Variants in CHL1 observed in about 807,000 individuals in gnomAD.
The protein encoded by CHL1 is neural cell adhesion molecule L1-like protein.
Under a neutral mutation model 141.9 loss-of-function variants are expected in CHL1, and 96 were observed. The observed-to-expected ratio is 0.68, with a 90% CI of 0.57 to 0.80. The LOEUF (loss-of-function observed/expected upper bound fraction) is 0.80. CHL1 is among the 30% of genes least tolerant of loss of function. CHL1 has a pLI of 0.00. For synonymous variants in CHL1, 613 were observed against 502.2 expected, an observed-to-expected ratio of 1.22 and a Z score of -2.95; for missense variants, 1,820 against 1,457.2, an observed-to-expected ratio of 1.25 and a Z score of -4.05.
intron 5 of CHL1, among the ~76,000 whole-genome samples, chr3:334,432 A>C (rs1701701021): frequency 6.6e-6 from 1 of 152,178 alleles, no homozygotes; most frequent in South Asian, 2.1e-4. Context: ...GCCCATTTGC[A>C]GTCACTCTCT....
intron 10 of CHL1, among the ~76,000 whole-genome samples, chr3:352,791 A>G (rs1001779212): frequency 6.6e-6 from 1 of 152,232 alleles, no homozygotes; most frequent in Non-Finnish European, 1.5e-5. Flanking sequence ...ATAGTGAGGA[A>G]GCCTAGTGAA....
intron 15 of CHL1, among the ~76,000 whole-genome samples, chr3:367,002 A>G (rs1704983700): frequency 6.6e-6 from 1 of 152,266 alleles, no homozygotes; most frequent in Non-Finnish European, 1.5e-5. Context: ...GCCAGAGAGT[A>G]CTGAGAAGTA....
At chr3:292,898 C>G (rs757947871) in intron 2 of CHL1, among the ~76,000 whole-genome samples, 10 of 152,178 alleles carry the variant, frequency 6.6e-5, no homozygotes, top group South Asian at 6.2e-4. Flanking sequence ...TACCTCCTAC[C>G]AGGCACCACC....
chr3:310,517 A>G (rs772314937), intron 2 of CHL1, among the ~76,000 whole-genome samples: 8 of 152,210 alleles, frequency 5.3e-5, no homozygotes, highest in Non-Finnish European at 1.2e-4. Context: ...GTTATAGCTT[A>G]GAAATCTGTC....
In CHL1 at chr3:302,796, T is replaced by G. The variant is rs565531074; in HGVS notation, c.-94-16887T>G. 1.8e-4 allele frequency among the ~76,000 whole-genome samples: 27 copies of G among 152,324 alleles called. No homozygotes were observed. In the South Asian group the frequency reaches 3.3e-3, roughly 19 times the overall value. On this transcript the variant is annotated intron_variant, in intron 2 of 27. Coordinates refer to ENST00000256509, the MANE Select transcript of CHL1 (RefSeq NM_006614.4). ...GCTTTTGTTGCCATTGCTTTTAGTG[T>G]TTTAGACATGAATTCTTTGCCCATA... is the stretch of plus-strand genomic sequence containing the variant.
chr3:264,019 G>T (rs1257003093), intron 2 of CHL1, among the ~76,000 whole-genome samples: 1 of 152,228 alleles, frequency 6.6e-6, no homozygotes, highest in African/African-American at 2.4e-5. Context: ...CACAGTCTTA[G>T]ACTTGCAGAA....
At chr3:382,125 G>A in intron 16 of CHL1, 54 bp from the exon 17 acceptor site, 1 of 1,487,510 alleles carries the variant, frequency 6.7e-7, no homozygotes, top group Non-Finnish European at 9.3e-7. Context: ...TCTGAGGAAG[G>A]GAATCAGGTA....
chr3:242,520 A>T (rs373762998), intron 1 of CHL1, among the ~76,000 whole-genome samples: 44 of 152,010 alleles, frequency 2.9e-4, no homozygotes, highest in African/African-American at 8.7e-4. Context: ...GGCTTGAACC[A>T]GGGAGGCAGA....
In CHL1 at chr3:345,078, A is replaced by G. The variant is rs539831999; in HGVS notation, c.848+369A>G. Among the ~76,000 whole-genome samples the G allele has an allele frequency of 4.6e-5, 7 of 152,306 alleles. No individual in the cohort carries two copies. The South Asian group carries it at 8.3e-4, about 18-fold the overall frequency. ...CTCTGGAGGAAGTAATTTGTACTTC[A>G]CTCTACAGACTTCAGGCAGTAACAG... On this transcript the variant is annotated intron_variant, in intron 9 of 27. Coordinates refer to ENST00000256509, the MANE Select transcript of CHL1 (RefSeq NM_006614.4).
At position 205,104 on chromosome 3, in the gene CHL1, C is replaced by CTT. The variant is rs11424648; in HGVS notation, c.-175+8055_-175+8056dup. Among the ~76,000 whole-genome samples the CTT allele has an allele frequency of 9.8e-3, 1,264 of 129,044 alleles. 28 individuals are homozygous for CTT. Among genetic ancestry groups the CTT allele is most frequent in the South Asian group, 0.025 (99 of 4,018 alleles). 84.7% of individuals were successfully genotyped at this position (129,044 alleles called of 152,430 possible). A position where few individuals can be genotyped will look rare whatever the true frequency, so the allele number is the denominator to read the frequency against. ...CTTTTTCCTTTTTCTTTCTTTCTTT[C>CTT]TTTTTTTTTTTTTTTGGAGATAGGG... On this transcript the variant is annotated intron_variant, in intron 1 of 27. Transcript: ENST00000256509.
At chr3:205,841 T>C (rs948292789) in intron 1 of CHL1, among the ~76,000 whole-genome samples, 2 of 152,204 alleles carry the variant, frequency 1.3e-5, no homozygotes, top group African/African-American at 4.8e-5. Flanking sequence ...ACATCAGTGA[T>C]TTGAGGAAAG....
chr3:259,260 G>A (rs1238913025), intron 2 of CHL1, among the ~76,000 whole-genome samples: 2 of 151,970 alleles, frequency 1.3e-5, no homozygotes, highest in African/African-American at 4.8e-5. Context: ...TATCTGTAGT[G>A]TGTGTGTGCA....
chr3:346,123 T>A (rs573490469), intron 9 of CHL1, among the ~76,000 whole-genome samples: 1 of 152,300 alleles, frequency 6.6e-6, no homozygotes, highest in Admixed American at 6.5e-5. Context: ...TAATTTAGAG[T>A]ACATTCTGAA....
chr3:241,086 G>T (rs529241689), intron 1 of CHL1, among the ~76,000 whole-genome samples: 1 of 152,202 alleles, frequency 6.6e-6, no homozygotes, highest in African/African-American at 2.4e-5. Context: ...TGGAACTCAA[G>T]ATTTCTTATG....
chr3:333,945 CTTGT>C (rs754390928), intron 5 of CHL1, among the ~76,000 whole-genome samples: 5 of 151,850 alleles, frequency 3.3e-5, no homozygotes, highest in Non-Finnish European at 5.9e-5. Flanking sequence ...TTTTAAACAA[CTTGT>C]TTGTTTGTTT....
At chr3:363,562 C>G (rs1031783748) in intron 14 of CHL1, 179 bp downstream of exon 14, 5 of 577,792 alleles carry the variant, frequency 8.7e-6, no homozygotes, top group South Asian at 2.2e-5. Flanking sequence ...ACAGGGTATG[C>G]CCATGATATG....
chr3:274,564 C>G (rs984431521), intron 2 of CHL1, among the ~76,000 whole-genome samples: 2 of 152,190 alleles, frequency 1.3e-5, no homozygotes, highest in African/African-American at 4.8e-5. Context: ...CTAGAACAGT[C>G]TGGCACAGTT....
At chr3:212,640 G>T (rs1699993028) in intron 1 of CHL1, among the ~76,000 whole-genome samples, 1 of 152,126 alleles carries the variant, frequency 6.6e-6, no homozygotes, top group South Asian at 2.1e-4. Context: ...CTACTGCTTT[G>T]CAGGCCAAGT....
At chr3:220,700 C>G (rs1216290551) in intron 1 of CHL1, among the ~76,000 whole-genome samples, 1 of 152,102 alleles carries the variant, frequency 6.6e-6, no homozygotes, top group Non-Finnish European at 1.5e-5. Flanking sequence ...ACAAAAAAGA[C>G]TCACAATGAG....
Sources: gnomAD v4.1 joint callset for allele counts (sites outside exome capture counted in the v4.1 genomes callset) on GRCh38, gnomAD v4.1.1 for gene constraint, MANE v1.5 for transcripts, NCBI Gene and HGNC (gene_info 2026-07-23, HGNC 2026-07-21) for gene names.